Variants in TENM2 observed in about 807,000 individuals in gnomAD.
The protein encoded by TENM2 is teneurin transmembrane protein 2, also known as teneurin-2.
In TENM2, 52 loss-of-function variants were observed where a neutral mutation model predicts 245.2. The observed-to-expected ratio is 0.21, with a 90% confidence interval of 0.17 to 0.27. The LOEUF is 0.27. TENM2 is among the 10% of genes least tolerant of loss of function. The pLI is 1.00. For missense variants in TENM2, 3,046 were observed against 3,666.8 expected (o/e 0.83, Z 4.37); for synonymous variants, 1,363 against 1,438.9 (o/e 0.95, Z 1.19).
chr5:167,839,881 G>GA (rs1769337058), intron 2 of TENM2, among the ~76,000 whole-genome samples: 1 of 152,044 alleles, frequency 6.6e-6, no homozygotes, highest in African/African-American at 2.4e-5. Flanking sequence ...GCAGTGGCAC[G>GA]GTCTTGGCTC....
Position 167,859,102 on chromosome 5 carries a change from G to A in TENM2, c.503-16884G>A, listed in dbSNP as rs1304215927. Among the ~76,000 whole-genome samples the A allele has an allele frequency of 6.9e-3, 955 of 139,354 alleles. 1 individual carries two copies. Among genetic ancestry groups the A allele is most frequent in the African/African-American group, 0.024 (882 of 37,158 alleles). 91.4% of individuals were successfully genotyped at this position (139,354 alleles called of 152,430 possible). ...CCGGCCGCCCATCGTCTGAGATGTG[G>A]GGAGCGCCTCTGCCCCGCCGCCCCA... On this transcript the variant is annotated intron_variant, in intron 2 of 28. Transcript: ENST00000518659.
chr5:167,195,580 A>C, the TENM2 span, among the ~76,000 whole-genome samples: 1 of 152,200 alleles, frequency 6.6e-6, no homozygotes, highest in African/African-American at 2.4e-5. Flanking sequence ...GAATTTTAAA[A>C]GAAAATATCG....
At chr5:167,240,314 C>T in the TENM2 span, among the ~76,000 whole-genome samples, 14 of 151,284 alleles carry the variant, frequency 9.3e-5, no homozygotes, top group East Asian at 2.4e-3. Flanking sequence ...TAATTATTAA[C>T]CATTTCTTTA....
intron 1 of TENM2, among the ~76,000 whole-genome samples, chr5:167,369,533 A>G (rs1760277635): frequency 6.6e-6 from 1 of 152,026 alleles, no homozygotes; most frequent in African/African-American, 2.4e-5. Flanking sequence ...GATTGGCACC[A>G]TATTACTTTC....
At chr5:167,964,939 TGC>T (rs1295090372) in intron 4 of TENM2, among the ~76,000 whole-genome samples, 1 of 152,232 alleles carries the variant, frequency 6.6e-6, no homozygotes, top group Non-Finnish European at 1.5e-5. Context: ...CTCTGCTTTT[TGC>T]TTTTAATAAT....
At chr5:167,550,996 TG>T (rs1409834460) in intron 2 of TENM2, among the ~76,000 whole-genome samples, 8 of 152,164 alleles carry the variant, frequency 5.3e-5, no homozygotes, top group African/African-American at 1.7e-4. Context: ...CCCAAAGTGC[TG>T]GGATTACAGG....
At chr5:168,033,898 G>A (rs1324545063) in intron 5 of TENM2, among the ~76,000 whole-genome samples, 1 of 151,910 alleles carries the variant, frequency 6.6e-6, no homozygotes, top group South Asian at 2.1e-4. Flanking sequence ...GTGGTTGTGG[G>A]CACCTATAGT....
intron 10 of TENM2, among the ~76,000 whole-genome samples, chr5:168,122,861 C>A (rs1795567808): frequency 6.6e-6 from 1 of 152,148 alleles, no homozygotes; most frequent in Admixed American, 6.5e-5. Context: ...CAAGGGAGGG[C>A]TGCCCTTTGG....
At chr5:168,203,574 G>T in intron 17 of TENM2, 115 bp from the exon 20 acceptor site, 1 of 1,077,182 alleles carries the variant, frequency 9.3e-7, no homozygotes, top group Non-Finnish European at 1.3e-6. Context: ...TGAGTTTTTG[G>T]AACAGAATCT....
chr5:166,985,769 A>G, the TENM2 span, among the ~76,000 whole-genome samples: 1 of 152,138 alleles, frequency 6.6e-6, no homozygotes, highest in Non-Finnish European at 1.5e-5. Flanking sequence ...GGAGGCTCCA[A>G]GAAAACAAGG....
intron 3 of TENM2, among the ~76,000 whole-genome samples, chr5:167,947,874 T>C (rs1327247900): frequency 6.6e-6 from 1 of 152,312 alleles, no homozygotes; most frequent in African/African-American, 2.4e-5. Context: ...TTTATTTTTT[T>C]CTTTCATATA....
intron 2 of TENM2, among the ~76,000 whole-genome samples, chr5:167,662,182 G>A (rs1238729906): frequency 1.3e-5 from 2 of 152,048 alleles, no homozygotes. Flanking sequence ...TTTTAAACGA[G>A]CATCCACACA....
the TENM2 span, among the ~76,000 whole-genome samples, chr5:167,017,197 C>G: frequency 6.6e-6 from 1 of 152,138 alleles, no homozygotes; most frequent in Admixed American, 6.5e-5. Context: ...TTGCTTAAGG[C>G]CTTATAACTG....
the TENM2 span, among the ~76,000 whole-genome samples, chr5:167,138,352 A>G: frequency 6.6e-6 from 1 of 152,234 alleles, no homozygotes; most frequent in Admixed American, 6.5e-5. Flanking sequence ...AATGAAGCTT[A>G]GGAATGACCC....
chr5:167,142,513 A>G, the TENM2 span, among the ~76,000 whole-genome samples: 1 of 151,924 alleles, frequency 6.6e-6, no homozygotes, highest in South Asian at 2.1e-4. Context: ...GAACAAACAC[A>G]TAGAAGTATC....
At chr5:167,258,209 A>G in the TENM2 span, among the ~76,000 whole-genome samples, 11 of 143,644 alleles carry the variant, frequency 7.7e-5, no homozygotes, top group African/African-American at 2.8e-4. Context: ...ATATATATAT[A>G]TATATGTATA....
At chr5:167,083,463 A>G in the TENM2 span, among the ~76,000 whole-genome samples, 5 of 152,116 alleles carry the variant, frequency 3.3e-5, no homozygotes. Flanking sequence ...TCCTTCACTG[A>G]GCTTGTTTTA....
intron 3 of TENM2, among the ~76,000 whole-genome samples, chr5:167,887,330 G>A (rs1774367645): frequency 1.3e-5 from 2 of 152,236 alleles, no homozygotes; most frequent in African/African-American, 4.8e-5. Context: ...CATGGTGCAG[G>A]TAGAGATACG....
At chr5:167,403,646 A>G (rs1235458103) in intron 2 of TENM2, among the ~76,000 whole-genome samples, 2 of 152,188 alleles carry the variant, frequency 1.3e-5, no homozygotes, top group Non-Finnish European at 2.9e-5. Flanking sequence ...GATTTCTCAG[A>G]GGAGTAAAAT....
Sources: gnomAD v4.1 joint callset for allele counts (sites outside exome capture counted in the v4.1 genomes callset) on GRCh38, gnomAD v4.1.1 for gene constraint, MANE v1.5 for transcripts, NCBI Gene and HGNC (gene_info 2026-07-23, HGNC 2026-07-21) for gene names.